SLC4A4: variants seen among roughly 807,000 people sequenced by gnomAD.
SLC4A4 encodes electrogenic sodium bicarbonate cotransporter 1.
In SLC4A4, 27 loss-of-function variants were observed where a neutral mutation model predicts 111.5. That is an observed-to-expected ratio of 0.24 (90% CI 0.18 to 0.33). The LOEUF (loss-of-function observed/expected upper bound fraction) is 0.33, where lower values mean the gene tolerates loss of function less well. Ranked by LOEUF, SLC4A4 falls within the 10% of genes least tolerant of loss-of-function variation. The pLI, the probability that SLC4A4 is intolerant of heterozygous loss-of-function variation, is 1.00. For missense variants in SLC4A4, 909 were observed against 1,315.5 expected (o/e 0.69, Z 4.78); for synonymous variants, 443 against 463.4 (o/e 0.96, Z 0.57).
At chr4:71,484,275 T>C (rs1729164109) in intron 14 of SLC4A4, among the ~76,000 whole-genome samples, 1 of 151,884 alleles carries the variant, frequency 6.6e-6, no homozygotes, top group Non-Finnish European at 1.5e-5. Flanking sequence ...TGGTATTGCC[T>C]ACGTTGTCTT....
At chr4:71,423,974 A>T (rs2149028840) in intron 7 of SLC4A4, among the ~76,000 whole-genome samples, 2 of 152,270 alleles carry the variant, frequency 1.3e-5, no homozygotes, top group East Asian at 3.9e-4. Context: ...TGGCAACAAA[A>T]GCCAAAATTG....
At chr4:71,547,261 A>G (rs963389244) in intron 19 of SLC4A4, among the ~76,000 whole-genome samples, 3 of 152,024 alleles carry the variant, frequency 2.0e-5, no homozygotes, top group African/African-American at 7.2e-5. Context: ...GGACAATGTA[A>G]TATCTGTCTC....
intron 7 of SLC4A4, among the ~76,000 whole-genome samples, chr4:71,424,586 C>G (rs2149030244): frequency 6.6e-6 from 1 of 152,136 alleles, no homozygotes; most frequent in South Asian, 2.1e-4. Flanking sequence ...GACTTGGAAC[C>G]AACCCAAATG....
At position 71,089,469 on chromosome 4, in the gene SLC4A4, C is replaced by T. The variant is rs558751068; in HGVS notation, c.-64-3261C>T. Among the ~76,000 whole-genome samples, 183 of 152,132 alleles carry T rather than the reference C, an allele frequency of 1.2e-3. 1 individual carries two copies. The highest frequency in any genetic ancestry group is 4.2e-3 in the African/African-American group (174 of 41,444). On this transcript the variant is annotated intron_variant, in intron 1 of 26. Coordinates refer to the SLC4A4 transcript ENST00000649996. ...CTGTGTTCCTTTGGAGGAGGAGAGGCGCTCTGATTTTTAGAGTTTCCAGTT... is the reference window on the plus strand; with the variant it reads ...CTGTGTTCCTTTGGAGGAGGAGAGGTGCTCTGATTTTTAGAGTTTCCAGTT...
intron 7 of SLC4A4, chr4:71,434,556 A>G (rs1370958217): frequency 6.5e-6 from 1 of 153,376 alleles, no homozygotes; most frequent in Non-Finnish European, 1.5e-5. Flanking sequence ...TACTTCATTT[A>G]TCCCATAAAA....
intron 6 of SLC4A4, among the ~76,000 whole-genome samples, chr4:71,362,699 C>T (rs1186220234): frequency 6.6e-6 from 1 of 152,104 alleles, no homozygotes; most frequent in Non-Finnish European, 1.5e-5. Flanking sequence ...ATAATTTGTT[C>T]CCTTCATTGG....
intron 4 of SLC4A4, among the ~76,000 whole-genome samples, chr4:71,349,581 G>A (rs1248535958): frequency 6.6e-6 from 1 of 152,154 alleles, no homozygotes; most frequent in Non-Finnish European, 1.5e-5. Flanking sequence ...ATTTTGAAAT[G>A]CATATTTTTC....
At chr4:71,486,673 T>TA (rs1381460946) in intron 14 of SLC4A4, among the ~76,000 whole-genome samples, 1 of 150,938 alleles carries the variant, frequency 6.6e-6, no homozygotes, top group African/African-American at 2.4e-5. Context: ...TTTATTTCTT[T>TA]TTTTTTTGAA....
At chr4:71,277,500 TCCTTTTCCTTC>T (rs914067098) in intron 3 of SLC4A4, among the ~76,000 whole-genome samples, 3 of 151,286 alleles carry the variant, frequency 2.0e-5, no homozygotes, top group Admixed American at 1.3e-4. Context: ...TCCCTTCCCT[TCCTTTTCCTTC>T]CCTTTTCCTT....
intron 1 of SLC4A4, among the ~76,000 whole-genome samples, chr4:71,208,548 G>A (rs1717932635): frequency 6.6e-6 from 1 of 151,270 alleles, no homozygotes; most frequent in Non-Finnish European, 1.5e-5. Flanking sequence ...ATAAAATGTG[G>A]TATTACACAA....
rs529026909 is a variant in SLC4A4, at chr4:71,155,204, T to C, written c.-2+62412T>C. 5.3e-4 allele frequency among the ~76,000 whole-genome samples: 81 copies of C among 152,298 alleles called. 1 individual carries two copies. The South Asian group carries it at 0.015, about 29-fold the overall frequency. On this transcript the variant is annotated intron_variant, in intron 2 of 26. Transcript: ENST00000649996. ...CATGGACCCTTCTACTTCTGGTGTA[T>C]AATAATTCTGTATGTTAAACAAATT...
intron 4 of SLC4A4, among the ~76,000 whole-genome samples, chr4:71,345,976 A>G (rs535329548): frequency 2.6e-5 from 4 of 152,258 alleles, no homozygotes; most frequent in African/African-American, 9.6e-5. Context: ...TTAGTTAGCA[A>G]GACATTTATC....
chr4:71,179,301 C>T (rs938957727), intron 2 of SLC4A4, among the ~76,000 whole-genome samples: 9 of 152,046 alleles, frequency 5.9e-5, no homozygotes, highest in East Asian at 1.9e-4. Context: ...GCACAAGACA[C>T]GGATGCCCTC....
At chr4:71,314,760 C>T (rs536953850) in intron 3 of SLC4A4, among the ~76,000 whole-genome samples, 1 of 151,788 alleles carries the variant, frequency 6.6e-6, no homozygotes, top group East Asian at 1.9e-4. Context: ...CACACTGGGG[C>T]CTTTCGGGGA....
chr4:71,217,372 G>A (rs996830183), intron 1 of SLC4A4, among the ~76,000 whole-genome samples: 4 of 152,068 alleles, frequency 2.6e-5, no homozygotes, highest in East Asian at 1.9e-4. Context: ...TGTGACCAGC[G>A]TGGCCAACAT....
At chr4:71,308,745 C>A (rs1301657678) in intron 3 of SLC4A4, among the ~76,000 whole-genome samples, 1 of 152,182 alleles carries the variant, frequency 6.6e-6, no homozygotes, top group Non-Finnish European at 1.5e-5. Flanking sequence ...GTGCCTACAC[C>A]ACCAGGGCTC....
At chr4:71,443,083 ACT>A (rs1180993467) in intron 8 of SLC4A4, among the ~76,000 whole-genome samples, 279 of 31,420 alleles carry the variant, frequency 8.9e-3, no homozygotes, top group African/African-American at 0.012. Context: ...AGAGGCCACT[ACT>A]CTCTCTCTCT....
intron 1 of SLC4A4, among the ~76,000 whole-genome samples, chr4:71,079,746 A>G (rs1465907286): frequency 6.7e-6 from 1 of 149,760 alleles, no homozygotes; most frequent in Non-Finnish European, 1.5e-5. Context: ...ACTGCATTCT[A>G]GGCTAGGTGA....
At chr4:71,339,526 T>C in intron 4 of SLC4A4, 21 bp downstream of exon 4, 1 of 1,610,600 alleles carries the variant, frequency 6.2e-7, no homozygotes, top group East Asian at 2.2e-5. Flanking sequence ...GCTGACTGTA[T>C]GTAGTACTGA....
Sources: gnomAD v4.1 joint callset for allele counts (sites outside exome capture counted in the v4.1 genomes callset) on GRCh38, gnomAD v4.1.1 for gene constraint, MANE v1.5 for transcripts, NCBI Gene and HGNC (gene_info 2026-07-23, HGNC 2026-07-21) for gene names.